BTBD10: variants seen among roughly 807,000 people sequenced by gnomAD.
BTBD10 encodes the protein BTB domain containing 10, also known as BTB/POZ domain-containing protein 10.
BTBD10 carries 21 observed loss-of-function variants against 53.2 expected under a neutral mutation model. The observed-to-expected ratio is 0.39, with a 90% CI of 0.28 to 0.57. The LOEUF (loss-of-function observed/expected upper bound fraction) is 0.57. BTBD10 is among the 20% of genes least tolerant of loss of function. BTBD10 has a pLI of 0.53. For missense variants in BTBD10, 360 were observed against 594.7 expected (o/e 0.61, Z 4.10); for synonymous variants, 149 against 192.7 (o/e 0.77, Z 1.88).
chr11:13,433,781 C>T (rs1950498028), intron 2 of BTBD10, among the ~76,000 whole-genome samples: 1 of 148,010 alleles, frequency 6.8e-6, no homozygotes. Flanking sequence ...ATTCACTATC[C>T]AGCCCTATAC....
chr11:13,448,272 A>C (rs1055063079), intron 1 of BTBD10, among the ~76,000 whole-genome samples: 3 of 152,186 alleles, frequency 2.0e-5, no homozygotes, highest in South Asian at 4.2e-4. Context: ...TTCAAGTTGT[A>C]CTGTTGCCTC....
chr11:13,460,377 G>A (rs761647234), intron 1 of BTBD10, among the ~76,000 whole-genome samples: 2 of 151,912 alleles, frequency 1.3e-5, no homozygotes, highest in Non-Finnish European at 2.9e-5. Context: ...CCCCCAACTT[G>A]CCCTCTATAT....
At chr11:13,416,549 G>A (rs2135812305) in intron 5 of BTBD10, among the ~76,000 whole-genome samples, 1 of 152,288 alleles carries the variant, frequency 6.6e-6, no homozygotes, top group African/African-American at 2.4e-5. Context: ...AGGAGAAAGA[G>A]AAGTAAATAT....
At chr11:13,389,565 T>C (rs991854911) in intron 8 of BTBD10, among the ~76,000 whole-genome samples, 21 of 152,134 alleles carry the variant, frequency 1.4e-4, no homozygotes, top group African/African-American at 4.3e-4. Context: ...GTAGCGCGGA[T>C]TACAGGCATG....
chr11:13,449,634 C>G (rs986001), intron 1 of BTBD10, among the ~76,000 whole-genome samples: 118,547 of 152,128 alleles, frequency 0.78, 47,006 homozygotes, highest in Middle Eastern at 0.88. Context: ...TCTGACACTG[C>G]GTAGTTTATA....
At chr11:13,395,171 T>C (rs1444822932) in intron 8 of BTBD10, among the ~76,000 whole-genome samples, 8 of 149,522 alleles carry the variant, frequency 5.4e-5, no homozygotes, top group African/African-American at 1.9e-4. Context: ...AGTGTAAAAG[T>C]GTTCCTATTT....
At chr11:13,437,792 TCCTA>T (rs1950570645) in intron 2 of BTBD10, among the ~76,000 whole-genome samples, 1 of 152,208 alleles carries the variant, frequency 6.6e-6, no homozygotes, top group Non-Finnish European at 1.5e-5. Context: ...TTCCAAAATC[TCCTA>T]CCTGCTTCAA....
chr11:13,461,779 T>G (rs1354182233), intron 1 of BTBD10, among the ~76,000 whole-genome samples: 1 of 152,200 alleles, frequency 6.6e-6, no homozygotes, highest in Non-Finnish European at 1.5e-5. Context: ...ACACTGTTAC[T>G]CTCTGGTGGT....
chr11:13,388,716 C>T lies in BTBD10; in HGVS notation c.*115G>A, dbSNP rs1401001888. ...TTAAAAAAGCCTACACTGCAATATCCTAAACATTGTTATGTGCATCTCACA... is the reference window on the plus strand; with the variant it reads ...TTAAAAAAGCCTACACTGCAATATCTTAAACATTGTTATGTGCATCTCACA... On this transcript the variant is annotated 3_prime_UTR_variant, in exon 9 of 9. Coordinates refer to ENST00000278174, the MANE Select transcript of BTBD10 (RefSeq NM_032320.7). 8 of 1,206,802 alleles carry T rather than the reference C, an allele frequency of 6.6e-6. No individual in the cohort carries two copies. The highest frequency in any genetic ancestry group is 9.3e-6 in the Non-Finnish European group (8 of 864,208). The allele number at this position is 1,206,802 out of a possible 1,614,324, so 74.8% of individuals were successfully genotyped here.
At chr11:13,437,240 G>T (rs1224868175) in intron 2 of BTBD10, among the ~76,000 whole-genome samples, 1 of 152,142 alleles carries the variant, frequency 6.6e-6, no homozygotes, top group Non-Finnish European at 1.5e-5. Flanking sequence ...TTTAGGGGAG[G>T]GGTGAGGAAG....
rs1397394947 is a variant in BTBD10 at position 13,408,888 on chromosome 11, CA to C, written c.809-3033del. On this transcript the variant is annotated intron_variant, in intron 6 of 8. Transcript: ENST00000278174. Reference sequence around the variant, plus strand: ...TTTGGTCCATTTTTAACACAACAGCCAAAAGTGATTCTTTTAAACCTTAAGT... The same window carrying C: ...TTTGGTCCATTTTTAACACAACAGCCAAAGTGATTCTTTTAAACCTTAAGT... Among the ~76,000 whole-genome samples the C allele has an allele frequency of 1.2e-4, 18 of 152,300 alleles. 1 individual carries two copies. In the East Asian group the frequency reaches 3.5e-3, roughly 29 times the overall value.
intron 2 of BTBD10, chr11:13,439,966 C>T (rs747913612): frequency 1.4e-5 from 22 of 1,534,790 alleles, no homozygotes; most frequent in Non-Finnish European, 1.9e-5. Flanking sequence ...TCTGCTCTTT[C>T]AAACAATGAA....
At chr11:13,403,999 C>G (rs1949764753) in intron 7 of BTBD10, among the ~76,000 whole-genome samples, 1 of 152,106 alleles carries the variant, frequency 6.6e-6, no homozygotes, top group South Asian at 2.1e-4. Flanking sequence ...GTTGAGTTAT[C>G]TCCCTTAAAA....
intron 1 of BTBD10, among the ~76,000 whole-genome samples, chr11:13,458,085 T>G (rs1565276700): frequency 6.8e-6 from 1 of 147,056 alleles, no homozygotes; most frequent in Admixed American, 7.0e-5. Context: ...GAGGATCACT[T>G]GAGCCCAGAA....
chr11:13,457,650 G>T, intron 1 of BTBD10, among the ~76,000 whole-genome samples: 1 of 152,168 alleles, frequency 6.6e-6, no homozygotes, highest in South Asian at 2.1e-4. Flanking sequence ...ACCTATATGG[G>T]CAGAGTAGGA....
intron 2 of BTBD10, among the ~76,000 whole-genome samples, chr11:13,429,132 C>T (rs1378620142): frequency 6.6e-6 from 1 of 151,950 alleles, no homozygotes; most frequent in East Asian, 1.9e-4. Flanking sequence ...GAAAAACTCA[C>T]ACATTGGAAA....
intron 8 of BTBD10, among the ~76,000 whole-genome samples, chr11:13,395,719 G>C (rs1440575389): frequency 6.6e-6 from 1 of 152,152 alleles, no homozygotes; most frequent in African/African-American, 2.4e-5. Flanking sequence ...TTTTGTATAA[G>C]GTGTAAGGAA....
intron 2 of BTBD10, among the ~76,000 whole-genome samples, chr11:13,437,211 C>T (rs1950559444): frequency 6.6e-6 from 1 of 152,178 alleles, no homozygotes; most frequent in South Asian, 2.1e-4. Flanking sequence ...TCTACTCTTC[C>T]ATTAATTGAA....
intron 2 of BTBD10, among the ~76,000 whole-genome samples, chr11:13,426,267 C>T (rs1317689492): frequency 6.6e-6 from 1 of 151,810 alleles, no homozygotes; most frequent in Non-Finnish European, 1.5e-5. Context: ...GAAGGATCTG[C>T]ATTGATTTGT....
Sources: gnomAD v4.1 joint callset for allele counts (sites outside exome capture counted in the v4.1 genomes callset) on GRCh38, gnomAD v4.1.1 for gene constraint, MANE v1.5 for transcripts, NCBI Gene and HGNC (gene_info 2026-07-23, HGNC 2026-07-21) for gene names.